Variants in PARP14 observed in about 807,000 individuals in gnomAD.
PARP14 encodes poly(ADP-ribose) polymerase family member 14.
PARP14 carries 59 observed loss-of-function variants against 154.2 expected under a neutral mutation model. The observed-to-expected ratio is 0.38, with a 90% CI of 0.31 to 0.48. The LOEUF is 0.48. PARP14 is among the 20% of genes least tolerant of loss of function. The pLI is 0.98. For missense variants in PARP14, 1,734 were observed against 2,131.6 expected (o/e 0.81, Z 3.67); for synonymous variants, 720 against 780.5 (o/e 0.92, Z 1.29).
Position 122,718,736 on chromosome 3 carries a change from G to C in PARP14, c.4585G>C (p.Asp1529His). 6.2e-7 allele frequency: 1 copy of C among 1,613,358 alleles called. No individual in the cohort carries two copies. The highest frequency in any genetic ancestry group is 8.5e-7 in the Non-Finnish European group (1 of 1,179,570). Reference sequence around the variant, plus strand: ...GGCCAAAGAACAGGAATCCCGGGCAGATTGTATCAGTGAGTTTATAGAATG... The same window carrying C: ...GGCCAAAGAACAGGAATCCCGGGCACATTGTATCAGTGAGTTTATAGAATG... ...RLAKEQESRA[D>H]CISEFIEWQY... is the part of the protein sequence containing the mutation. The change falls in exon 14 of 17, where the codon GAT becomes CAT. Residue 1529 changes from aspartate (D) to histidine (H), a missense_variant. Asp to His is a moderately conservative substitution (Grantham distance 81). Coordinates refer to ENST00000474629, the MANE Select transcript of PARP14 (RefSeq NM_017554.3).
chr3:122,704,802 C>T, intron 8 of PARP14, 54 bp downstream of exon 8: 1 of 991,332 alleles, frequency 1.0e-6, no homozygotes, highest in Non-Finnish European at 1.5e-6. Context: ...AGTGTTTTTT[C>T]AAATGTCTTT....
At position 122,713,580 on chromosome 3, in the gene PARP14, G is replaced by T; in HGVS notation, c.3769+7G>T. ...TCATTCAATCTCAAAGCAGGTACTT[G>T]TACAATTTTGATGAGTGCAATAGTT... On this transcript the variant is annotated splice_region_variant and intron_variant, in intron 10 of 16. Transcript: ENST00000474629. The T allele has an allele frequency of 6.2e-7, 1 of 1,612,524 alleles. No homozygotes were observed. The highest frequency in any genetic ancestry group is 1.1e-5 in the South Asian group (1 of 91,004).
At chr3:122,706,361 G>A (rs1271061417) in intron 8 of PARP14, among the ~76,000 whole-genome samples, 2 of 152,156 alleles carry the variant, frequency 1.3e-5, no homozygotes, top group Non-Finnish European at 2.9e-5. Context: ...GATGGAGACT[G>A]TCACAGAGGA....
At chr3:122,723,677 A>G (rs934700890) in intron 15 of PARP14, among the ~76,000 whole-genome samples, 1 of 152,206 alleles carries the variant, frequency 6.6e-6, no homozygotes, top group African/African-American at 2.4e-5. Flanking sequence ...TCCCACTATT[A>G]ATGATGCTAA....
At chr3:122,710,826 T>C (rs1418257777) in intron 9 of PARP14, among the ~76,000 whole-genome samples, 2 of 150,384 alleles carry the variant, frequency 1.3e-5, no homozygotes, top group Non-Finnish European at 3.0e-5. Context: ...TTTATTTATT[T>C]ATTTATTTAT....
intron 11 of PARP14, 113 bp from the exon 12 acceptor site, chr3:122,714,149 G>A: frequency 1.1e-6 from 1 of 888,930 alleles, no homozygotes; most frequent in East Asian, 2.8e-5. Context: ...AGTATTTCAG[G>A]AGTTTTTTTT....
intron 4 of PARP14, among the ~76,000 whole-genome samples, chr3:122,695,001 C>T (rs1938726785): frequency 6.6e-6 from 1 of 152,134 alleles, no homozygotes; most frequent in African/African-American, 2.4e-5. Context: ...AAATGAATGG[C>T]AGGGAATAAC....
At position 122,713,531 on chromosome 3, in the gene PARP14, G is replaced by A. The variant is rs761443435; in HGVS notation, c.3727G>A (p.Val1243Met). 25 of 1,613,682 alleles carry A rather than the reference G, an allele frequency of 1.5e-5. No individual in the cohort carries two copies. The highest frequency in any genetic ancestry group is 2.1e-5 in the Non-Finnish European group (25 of 1,179,724). Residue 1243 changes from valine to methionine, a missense_variant, in exon 10 of 17, where the codon GTG becomes ATG. Val to Met is a conservative substitution (Grantham distance 21, BLOSUM62 1). Coordinates refer to ENST00000474629, the MANE Select transcript of PARP14 (RefSeq NM_017554.3). ...SGDITKEEAD[V>M]IVNSTSNSFN... ...AGATATCACGAAAGAAGAGGCAGAT[G>A]TGATTGTAAATTCAACATCAAACTC...
intron 9 of PARP14, among the ~76,000 whole-genome samples, chr3:122,711,895 T>C (rs912524794): frequency 3.9e-5 from 6 of 152,184 alleles, no homozygotes; most frequent in Non-Finnish European, 8.8e-5. Context: ...CAGCCTTGAA[T>C]GATCTTTTGT....
At chr3:122,683,312 C>A (rs1938272656) in intron 1 of PARP14, 2 of 983,020 alleles carry the variant, frequency 2.0e-6, no homozygotes, top group African/African-American at 1.7e-5. Context: ...CAGGTGCGGG[C>A]CCATAGCATA....
chr3:122,685,125 T>C, intron 1 of PARP14, 60 bp from the exon 2 acceptor site: 1 of 1,592,414 alleles, frequency 6.3e-7, no homozygotes, highest in Non-Finnish European at 8.6e-7. Flanking sequence ...AATCATAGAA[T>C]AATTTTGTAA....
intron 3 of PARP14, among the ~76,000 whole-genome samples, chr3:122,688,663 A>T (rs1391536542): frequency 6.6e-6 from 1 of 152,184 alleles, no homozygotes; most frequent in East Asian, 1.9e-4. Flanking sequence ...AATGGGGTAG[A>T]CAGTTTCAGA....
chr3:122,724,351 T>A (rs1933234458), intron 15 of PARP14, among the ~76,000 whole-genome samples: 1 of 151,188 alleles, frequency 6.6e-6, no homozygotes, highest in African/African-American at 2.4e-5. Flanking sequence ...CCAGCTGGAG[T>A]GCATCAGCGT....
At chr3:122,713,319 G>C in intron 9 of PARP14, 105 bp from the exon 10 acceptor site, 2 of 834,632 alleles carry the variant, frequency 2.4e-6, no homozygotes, top group East Asian at 2.6e-5. Flanking sequence ...GTCACAGAAA[G>C]AGAGGGAGAG....
chr3:122,703,784 A>G lies in PARP14; in HGVS notation c.3124A>G (p.Ser1042Gly), dbSNP rs749086762. Reference sequence around the variant, plus strand: ...CTCCGTTCCCTTGGATCTCGTGCTTAGTAGAGGGCCTCTTTCTAAGTCCCT... The same window carrying G: ...CTCCGTTCCCTTGGATCTCGTGCTTGGTAGAGGGCCTCTTTCTAAGTCCCT... ...VNSVPLDLVL[S>G]RGPLSKSLLE... Residue 1042 changes from serine to glycine, a missense_variant, in exon 7 of 17, where the codon AGT becomes GGT. Physicochemically the swap from Ser to Gly is moderately conservative, Grantham distance 56. Around this residue, in one of 2 missense-constraint regions of PARP14, gnomAD observed 1,646 missense variants for 1,976.0 expected, o/e 0.83. Transcript: ENST00000474629. 25 of 1,613,606 alleles carry G rather than the reference A, an allele frequency of 1.5e-5. No homozygotes were observed. The African/African-American group carries it at 2.5e-4, about 16-fold the overall frequency.
In PARP14 at chr3:122,695,607, T is replaced by C; in HGVS notation, c.780T>C (p.Asn260=). The part of the protein sequence containing the change: ...NPYNGGGRVA[N]VEYFPEESSA... ...ATAATGGAGGGGGAAGAGTTGCCAA[T>C]GTTGAATATTTTCCTGAAGAGAGTT... is the stretch of plus-strand genomic sequence containing the variant. The change falls in exon 5 of 17, where the codon AAT becomes AAC. Residue 260 remains asparagine (N), a synonymous_variant. Coordinates refer to ENST00000474629, the MANE Select transcript of PARP14 (RefSeq NM_017554.3). 6.2e-7 allele frequency: 1 copy of C among 1,610,490 alleles called. No individual in the cohort carries two copies. The highest frequency in any genetic ancestry group is 8.5e-7 in the Non-Finnish European group (1 of 1,177,110).
At chr3:122,726,220 C>T (rs1231971516) in intron 15 of PARP14, among the ~76,000 whole-genome samples, 1 of 152,170 alleles carries the variant, frequency 6.6e-6, no homozygotes, top group Non-Finnish European at 1.5e-5. Flanking sequence ...TATTTCCATG[C>T]TTCCATGTGG....
At chr3:122,687,495 C>G (rs1938409744) in intron 3 of PARP14, among the ~76,000 whole-genome samples, 1 of 152,226 alleles carries the variant, frequency 6.6e-6, no homozygotes, top group African/African-American at 2.4e-5. Context: ...GCACTGCTTC[C>G]TGAGCACTGG....
intron 8 of PARP14, among the ~76,000 whole-genome samples, chr3:122,705,720 T>C (rs1939133604): frequency 6.6e-6 from 1 of 152,222 alleles, no homozygotes; most frequent in African/African-American, 2.4e-5. Flanking sequence ...TACCTGTGGA[T>C]CATTGGACCA....
Sources: allele counts gnomAD v4.1 joint callset (sites outside exome capture counted in the v4.1 genomes callset), GRCh38; gene constraint gnomAD v4.1.1; regional missense constraint gnomAD v4.1.1; transcripts MANE v1.5; gene names NCBI Gene and HGNC (gene_info 2026-07-23, HGNC 2026-07-21).